The following MAGI2 variants were observed in gnomAD, a reference collection of about 807,000 sequenced individuals.
The protein encoded by MAGI2 is membrane associated guanylate kinase, WW and PDZ domain containing 2.
MAGI2 carries 35 observed loss-of-function variants against 133.3 expected under a neutral mutation model. The ratio of observed to expected loss-of-function variants is 0.26; its 90% CI spans 0.20 to 0.35. The LOEUF (loss-of-function observed/expected upper bound fraction) is 0.35, where lower values mean the gene tolerates loss of function less well. MAGI2 is among the 10% of genes least tolerant of loss of function. The pLI is 1.00. For synonymous variants in MAGI2, 729 were observed against 710.6 expected (o/e 1.03, Z -0.41); for missense variants, 1,636 against 1,863.4 (o/e 0.88, Z 2.25).
intron 1 of MAGI2, among the ~76,000 whole-genome samples, chr7:79,130,950 C>CTCAT (rs368955211): frequency 8.5e-5 from 13 of 152,066 alleles, no homozygotes; most frequent in African/African-American, 1.7e-4. Flanking sequence ...CATTCACTCA[C>CTCAT]TCATTCATTC....
chr7:78,315,085 T>TA (rs1343560608), intron 9 of MAGI2, among the ~76,000 whole-genome samples: 1 of 152,180 alleles, frequency 6.6e-6, no homozygotes, highest in Non-Finnish European at 1.5e-5. Flanking sequence ...ATCTGAGACC[T>TA]ACTGTCACAT....
intron 1 of MAGI2, among the ~76,000 whole-genome samples, chr7:79,066,291 T>A (rs1452180274): frequency 6.6e-6 from 1 of 152,026 alleles, no homozygotes; most frequent in Non-Finnish European, 1.5e-5. Context: ...TGGTGTTTTT[T>A]TTTTTTTTGC....
intron 1 of MAGI2, among the ~76,000 whole-genome samples, chr7:79,379,182 A>G (rs1843611306): frequency 6.7e-6 from 1 of 149,870 alleles, no homozygotes; most frequent in South Asian, 2.1e-4. Context: ...TCATTGTTCA[A>G]TTCCCACCTA....
At chr7:78,843,111 T>G (rs957268921) in intron 2 of MAGI2, among the ~76,000 whole-genome samples, 2 of 151,906 alleles carry the variant, frequency 1.3e-5, no homozygotes, top group Admixed American at 6.6e-5. Context: ...GTAGGAGTCT[T>G]GTGTGTTATA....
At chr7:79,367,070 CTTGCAAA>C (rs1842746659) in intron 1 of MAGI2, among the ~76,000 whole-genome samples, 1 of 152,166 alleles carries the variant, frequency 6.6e-6, no homozygotes, top group Non-Finnish European at 1.5e-5. Flanking sequence ...AGGGTGAACC[CTTGCAAA>C]TTAACTGATC....
intron 4 of MAGI2, among the ~76,000 whole-genome samples, chr7:78,504,237 T>C (rs1462916527): frequency 6.6e-6 from 1 of 152,190 alleles, no homozygotes; most frequent in African/African-American, 2.4e-5. Flanking sequence ...GAGATAATTT[T>C]AAAGGCCACC....
intron 2 of MAGI2, among the ~76,000 whole-genome samples, chr7:78,829,690 T>C (rs1448505389): frequency 2.6e-5 from 4 of 152,098 alleles, no homozygotes; most frequent in African/African-American, 9.6e-5. Flanking sequence ...ATCTAGAGCA[T>C]CAACCATCAT....
intron 2 of MAGI2, among the ~76,000 whole-genome samples, chr7:78,777,620 T>C (rs1050579027): frequency 6.6e-6 from 1 of 152,214 alleles, no homozygotes; most frequent in Admixed American, 6.5e-5. Context: ...CTGTTCTAAA[T>C]AAGTACAAAG....
intron 2 of MAGI2, among the ~76,000 whole-genome samples, chr7:78,706,900 G>C (rs1052839139): frequency 6.6e-6 from 1 of 152,092 alleles, no homozygotes; most frequent in East Asian, 1.9e-4. Flanking sequence ...AACAGACTCA[G>C]GTCAACAGGA....
chr7:79,072,998 T>G (rs532560752), intron 1 of MAGI2, among the ~76,000 whole-genome samples: 1 of 152,148 alleles, frequency 6.6e-6, no homozygotes, highest in South Asian at 2.1e-4. Context: ...GACACAGATT[T>G]CTTTTCTGTA....
At chr7:78,522,712 T>G (rs1271725980) in intron 3 of MAGI2, among the ~76,000 whole-genome samples, 1 of 152,206 alleles carries the variant, frequency 6.6e-6, no homozygotes, top group East Asian at 1.9e-4. Context: ...GGTAAAACAC[T>G]TTATTTAAAA....
intron 3 of MAGI2, among the ~76,000 whole-genome samples, chr7:78,575,021 C>T (rs115154833): frequency 1.3e-3 from 201 of 152,288 alleles, no homozygotes; most frequent in African/African-American, 4.8e-3. Context: ...CATTTGCTGT[C>T]TACACCCGCA....
intron 16 of MAGI2, 31 bp downstream of exon 16, chr7:78,159,994 T>C (rs371443942): frequency 7.9e-5 from 120 of 1,525,850 alleles, no homozygotes; most frequent in Non-Finnish European, 1.0e-4. Flanking sequence ...CAAGACCCCT[T>C]ATTCAAATGC....
At chr7:79,451,741 G>A (rs1261058260) in intron 1 of MAGI2, among the ~76,000 whole-genome samples, 10 of 152,172 alleles carry the variant, frequency 6.6e-5, no homozygotes, top group Admixed American at 2.0e-4. Context: ...GCAAAATGCA[G>A]GTAATGACAT....
intron 1 of MAGI2, among the ~76,000 whole-genome samples, chr7:79,445,801 C>G (rs1284067303): frequency 6.6e-6 from 1 of 152,162 alleles, no homozygotes; most frequent in Non-Finnish European, 1.5e-5. Context: ...TTTGGCCCAG[C>G]CATCCAATTA....
intron 9 of MAGI2, among the ~76,000 whole-genome samples, chr7:78,277,263 T>C (rs1795144268): frequency 6.6e-6 from 1 of 152,206 alleles, no homozygotes; most frequent in African/African-American, 2.4e-5. Flanking sequence ...TTTATTATGA[T>C]TCAATGTGTA....
intron 1 of MAGI2, among the ~76,000 whole-genome samples, chr7:79,023,178 C>CAA (rs35418954): frequency 0.59 from 89,131 of 151,712 alleles, 26,477 homozygotes; most frequent in East Asian, 0.63. Context: ...AAGTTTTGTT[C>CAA]AATATACAAA....
chr7:78,020,519 A>G (rs892476392), intron 21 of MAGI2, among the ~76,000 whole-genome samples: 1 of 152,098 alleles, frequency 6.6e-6, no homozygotes, highest in Non-Finnish European at 1.5e-5. Flanking sequence ...TTTGGGCTAC[A>G]TTAGAATTGT....
Position 78,573,278 on chromosome 7 carries a change from AT to A in MAGI2, c.539-51634del, listed in dbSNP as rs1563188795. Among the ~76,000 whole-genome samples the A allele has an allele frequency of 1.4e-3, 82 of 57,582 alleles. 4 individuals carry two copies. Among genetic ancestry groups the A allele is most frequent in the African/African-American group, 7.1e-3 (74 of 10,488 alleles). The allele number at this position is 57,582 out of a possible 152,430, so 37.8% of individuals were successfully genotyped here. A position where few individuals can be genotyped will look rare whatever the true frequency, so the allele number is the denominator to read the frequency against. ...TATAAATATAAATATATATAAATATATATATTTATATAAATATATATATTTA... is the reference window on the plus strand; with the variant it reads ...TATAAATATAAATATATATAAATATAATATTTATATAAATATATATATTTA... On this transcript the variant is annotated intron_variant, in intron 3 of 21. Transcript: ENST00000354212.
Sources: gnomAD v4.1 joint callset for allele counts (sites outside exome capture counted in the v4.1 genomes callset) on GRCh38, gnomAD v4.1.1 for gene constraint, MANE v1.5 for transcripts, NCBI Gene and HGNC (gene_info 2026-07-23, HGNC 2026-07-21) for gene names.